EPHB1: variants seen among roughly 807,000 people sequenced by gnomAD.
EPHB1 encodes ephrin type-B receptor 1.
A neutral mutation model predicts 94.4 loss-of-function variants in EPHB1; 30 were observed. The ratio of observed to expected loss-of-function variants is 0.32; its 90% CI spans 0.24 to 0.43. The LOEUF (loss-of-function observed/expected upper bound fraction) is 0.43. Among genes scored for constraint, EPHB1 ranks in the 20% least tolerant of loss-of-function variants. The pLI, the probability that EPHB1 is intolerant of heterozygous loss-of-function variation, is 1.00. For missense variants in EPHB1, 1,055 were observed against 1,308.3 expected (o/e 0.81, Z 2.99); for synonymous variants, 522 against 489.1 (o/e 1.07, Z -0.89).
intron 1 of EPHB1, among the ~76,000 whole-genome samples, chr3:134,916,413 C>T (rs1388656189): frequency 6.6e-6 from 1 of 152,212 alleles, no homozygotes; most frequent in Non-Finnish European, 1.5e-5. Context: ...GGGGGCGGTG[C>T]TCGTCCGGGA....
At chr3:135,160,749 G>T (rs544205333) in intron 6 of EPHB1, among the ~76,000 whole-genome samples, 6 of 152,188 alleles carry the variant, frequency 3.9e-5, no homozygotes, top group Non-Finnish European at 7.3e-5. Flanking sequence ...GGTGTGATTC[G>T]GAATGACAGT....
rs2036569382 is a variant in EPHB1 at position 134,830,866 on chromosome 3, G to A, written c.58+35177G>A. ...CTGACATCTTTGTCCTCGATACAAG[G>A]GTGCTACAGACTGAGTCAAGAAAGG... On this transcript the variant is annotated intron_variant, in intron 1 of 15. Coordinates refer to ENST00000398015, the MANE Select transcript of EPHB1 (RefSeq NM_004441.5). 2.0e-5 allele frequency among the ~76,000 whole-genome samples: 3 copies of A among 152,146 alleles called. No individual in the cohort carries two copies. In the South Asian group the frequency reaches 6.2e-4, roughly 32 times the overall value.
chr3:134,982,142 A>G (rs569065983), intron 3 of EPHB1, among the ~76,000 whole-genome samples: 1 of 152,324 alleles, frequency 6.6e-6, no homozygotes, highest in East Asian at 1.9e-4. Context: ...CAATGGCTAC[A>G]TTACACTTAT....
intron 2 of EPHB1, among the ~76,000 whole-genome samples, chr3:134,928,937 G>C (rs909496915): frequency 2.6e-5 from 4 of 151,982 alleles, no homozygotes; most frequent in Non-Finnish European, 4.4e-5. Context: ...ATGCTTCTGC[G>C]TGTTAAACAT....
At chr3:134,815,403 A>G (rs1393625216) in intron 1 of EPHB1, among the ~76,000 whole-genome samples, 4 of 151,806 alleles carry the variant, frequency 2.6e-5, no homozygotes, top group African/African-American at 9.7e-5. Flanking sequence ...TGTGTATATA[A>G]TAAAATATAT....
At chr3:135,009,660 T>C (rs1321510668) in intron 3 of EPHB1, among the ~76,000 whole-genome samples, 1 of 152,226 alleles carries the variant, frequency 6.6e-6, no homozygotes, top group African/African-American at 2.4e-5. Flanking sequence ...TAAGATTTTC[T>C]AACATCCTAA....
intron 2 of EPHB1, among the ~76,000 whole-genome samples, chr3:134,938,283 CA>C (rs776044540): frequency 6.6e-6 from 1 of 152,186 alleles, no homozygotes; most frequent in Non-Finnish European, 1.5e-5. Context: ...TACAGTGCCC[CA>C]GGGGTGTATA....
At chr3:134,812,145 A>G (rs985484324) in intron 1 of EPHB1, among the ~76,000 whole-genome samples, 2 of 152,222 alleles carry the variant, frequency 1.3e-5, no homozygotes, top group Non-Finnish European at 2.9e-5. Flanking sequence ...TTCTTGAAGC[A>G]TAATTTACAT....
At chr3:135,192,958 G>C in intron 11 of EPHB1, 135 bp downstream of exon 11, 2 of 1,226,272 alleles carry the variant, frequency 1.6e-6, no homozygotes, top group Non-Finnish European at 2.2e-6. Context: ...GATGTTAGCA[G>C]AGATTTGTTG....
At chr3:135,104,814 C>A (rs1194368316) in intron 3 of EPHB1, among the ~76,000 whole-genome samples, 1 of 152,224 alleles carries the variant, frequency 6.6e-6, no homozygotes, top group Non-Finnish European at 1.5e-5. Context: ...AATGGCACCC[C>A]ACCCAGCACA....
In EPHB1 at chr3:135,058,984, GGGT is replaced by G. The variant is rs1937421138; in HGVS notation, c.806-47463_806-47461del. Among the ~76,000 whole-genome samples, 5 of 152,264 alleles carry G rather than the reference GGGT, an allele frequency of 3.3e-5. No homozygotes were observed. In the South Asian group the frequency reaches 1.0e-3, roughly 32 times the overall value. ...CCTCACAGAATACAATTTGGAGAAG[GGGT>G]TTTGGAGAAAACAACTGGTTTTTAA... On this transcript the variant is annotated intron_variant, in intron 3 of 15. Coordinates refer to ENST00000398015, the MANE Select transcript of EPHB1 (RefSeq NM_004441.5).
At chr3:135,037,804 A>T (rs1365312035) in intron 3 of EPHB1, among the ~76,000 whole-genome samples, 3 of 152,174 alleles carry the variant, frequency 2.0e-5, no homozygotes, top group Non-Finnish European at 4.4e-5. Context: ...AGTGGGTACA[A>T]TTAATCTATG....
intron 5 of EPHB1, among the ~76,000 whole-genome samples, chr3:135,152,204 C>T (rs1246196377): frequency 2.6e-5 from 4 of 152,076 alleles, no homozygotes; most frequent in Non-Finnish European, 4.4e-5. Context: ...AACTAGTTTC[C>T]TTAGATATTT....
At chr3:135,041,596 C>A (rs1936845316) in intron 3 of EPHB1, among the ~76,000 whole-genome samples, 1 of 152,068 alleles carries the variant, frequency 6.6e-6, no homozygotes, top group Admixed American at 6.5e-5. Flanking sequence ...GATTTGAGAC[C>A]CCAAATAGGA....
intron 11 of EPHB1, among the ~76,000 whole-genome samples, chr3:135,201,213 G>C (rs1942743609): frequency 6.6e-6 from 1 of 152,028 alleles, no homozygotes; most frequent in South Asian, 2.1e-4. Flanking sequence ...GACTTGGTTG[G>C]ACTGGCGGCA....
At chr3:134,963,450 AC>A (rs1489271144) in intron 3 of EPHB1, among the ~76,000 whole-genome samples, 1 of 152,104 alleles carries the variant, frequency 6.6e-6, no homozygotes, top group East Asian at 1.9e-4. Flanking sequence ...GATGGTTATA[AC>A]CTGGGTATGG....
intron 3 of EPHB1, among the ~76,000 whole-genome samples, chr3:135,059,666 T>C (rs1420459740): frequency 6.6e-6 from 1 of 152,178 alleles, no homozygotes; most frequent in East Asian, 1.9e-4. Context: ...TGCTTAATAA[T>C]GGGATTTGAT....
intron 1 of EPHB1, among the ~76,000 whole-genome samples, chr3:134,880,563 G>GA (rs1310976341): frequency 6.6e-6 from 1 of 152,172 alleles, no homozygotes; most frequent in Non-Finnish European, 1.5e-5. Context: ...GTAGCCCCCC[G>GA]ACACAGCCAA....
chr3:134,990,886 G>C (rs935255767), intron 3 of EPHB1, among the ~76,000 whole-genome samples: 1 of 152,122 alleles, frequency 6.6e-6, no homozygotes, highest in Admixed American at 6.5e-5. Context: ...TCCTGAACTC[G>C]GCAATCTCCC....
Sources: gnomAD v4.1 joint callset for allele counts (sites outside exome capture counted in the v4.1 genomes callset) on GRCh38, gnomAD v4.1.1 for gene constraint, MANE v1.5 for transcripts, NCBI Gene and HGNC (gene_info 2026-07-23, HGNC 2026-07-21) for gene names.